The following LYPD6 variants were observed in gnomAD, a reference collection of about 807,000 sequenced individuals.
LYPD6 encodes the protein LY6/PLAUR domain containing 6.
LYPD6 carries 15 observed loss-of-function variants against 22.7 expected under a neutral mutation model. That is an observed-to-expected ratio of 0.66 (90% CI 0.44 to 1.02). The LOEUF is 1.02. Among genes scored for constraint, LYPD6 ranks in the 50% least tolerant of loss-of-function variants. The probability of loss-of-function intolerance (pLI) is 0.00; values close to 1 mark genes in which losing one functional copy is unlikely to be tolerated. For synonymous variants in LYPD6, 72 were observed against 77.5 expected (o/e 0.93, Z 0.37); for missense variants, 189 against 208.4 (o/e 0.91, Z 0.57).
At chr2:149,357,669 G>T (rs368381399) in intron 1 of LYPD6, among the ~76,000 whole-genome samples, 1 of 151,932 alleles carries the variant, frequency 6.6e-6, no homozygotes, top group East Asian at 1.9e-4. Flanking sequence ...CATGATGGTA[G>T]AATAAATACA....
intron 1 of LYPD6, among the ~76,000 whole-genome samples, chr2:149,338,437 A>T (rs1681099923): frequency 1.3e-5 from 2 of 152,208 alleles, no homozygotes; most frequent in African/African-American, 4.8e-5. Context: ...TACCTCCAAA[A>T]TTATGTGTTG....
chr2:149,417,800 G>C (rs1682996615), intron 1 of LYPD6, among the ~76,000 whole-genome samples: 1 of 152,094 alleles, frequency 6.6e-6, no homozygotes, highest in African/African-American at 2.4e-5. Flanking sequence ...GGATAAACTA[G>C]AAATATAATG....
intron 3 of LYPD6, among the ~76,000 whole-genome samples, chr2:149,459,300 A>G (rs963472385): frequency 3.3e-5 from 5 of 152,222 alleles, no homozygotes; most frequent in African/African-American, 1.2e-4. Context: ...CAGAGAAAAT[A>G]TCCTTCAGGA....
intron 1 of LYPD6, among the ~76,000 whole-genome samples, chr2:149,379,134 G>T (rs1682002387): frequency 6.6e-6 from 1 of 152,168 alleles, no homozygotes; most frequent in Non-Finnish European, 1.5e-5. Context: ...AGGCAGGAGG[G>T]CTGTGCATCT....
the LYPD6 span, among the ~76,000 whole-genome samples, chr2:149,479,728 G>C: frequency 6.6e-6 from 1 of 152,138 alleles, no homozygotes; most frequent in South Asian, 2.1e-4. Context: ...TCCCAGCTAT[G>C]ATCACATCTT....
intron 3 of LYPD6, among the ~76,000 whole-genome samples, chr2:149,460,314 T>G (rs1573826034): frequency 6.8e-6 from 1 of 146,232 alleles, no homozygotes; most frequent in East Asian, 2.1e-4. Flanking sequence ...ATAAGCAAAT[T>G]AAAAGAATGG....
intron 1 of LYPD6, among the ~76,000 whole-genome samples, chr2:149,433,117 G>T (rs1683353867): frequency 6.6e-6 from 1 of 152,034 alleles, no homozygotes; most frequent in Non-Finnish European, 1.5e-5. Flanking sequence ...AAGAAGAAAT[G>T]ATTTCACAAG....
intron 1 of LYPD6, among the ~76,000 whole-genome samples, chr2:149,348,061 C>CAAAAAAAA (rs58228847): frequency 0.014 from 1,111 of 76,684 alleles, 1 homozygote; most frequent in East Asian, 0.051. Flanking sequence ...ACTAAAAATA[C>CAAAAAAAA]AAAAAAAAAA....
intron 1 of LYPD6, among the ~76,000 whole-genome samples, chr2:149,420,165 C>T (rs1267581455): frequency 1.3e-5 from 2 of 152,192 alleles, no homozygotes; most frequent in Non-Finnish European, 2.9e-5. Flanking sequence ...CATAGTTACT[C>T]ACAGTCCAGA....
intron 1 of LYPD6, among the ~76,000 whole-genome samples, chr2:149,384,908 T>C (rs1478523110): frequency 8.5e-6 from 1 of 117,746 alleles, no homozygotes; most frequent in Admixed American, 1.1e-4. Flanking sequence ...GTCCCCAGAG[T>C]GTGATGTTCC....
chr2:149,429,206 G>C (rs141387157), intron 1 of LYPD6, among the ~76,000 whole-genome samples: 52 of 152,264 alleles, frequency 3.4e-4, no homozygotes, highest in African/African-American at 1.1e-3. Context: ...CATTACTCTG[G>C]CCAATTCTTG....
intron 1 of LYPD6, among the ~76,000 whole-genome samples, chr2:149,406,945 C>G (rs1362992569): frequency 6.6e-6 from 1 of 152,066 alleles, no homozygotes; most frequent in African/African-American, 2.4e-5. Flanking sequence ...CAAAATCTCT[C>G]AGCATTTGCT....
At chr2:149,344,364 G>T (rs1365936696) in intron 1 of LYPD6, among the ~76,000 whole-genome samples, 1 of 152,166 alleles carries the variant, frequency 6.6e-6, no homozygotes, top group Non-Finnish European at 1.5e-5. Flanking sequence ...GTCAAAGGCA[G>T]TCAAAAAGCA....
chr2:149,389,763 C>T lies in LYPD6; in HGVS notation c.-71-47875C>T, dbSNP rs1250965831. On this transcript the variant is annotated intron_variant, in intron 1 of 4. Transcript: ENST00000334166. ...GCCTTGAGTGGAGGTGGACTGGCTT[C>T]GTGTTTCTAATTAGTCAGACACTCC... 2.6e-5 allele frequency among the ~76,000 whole-genome samples: 4 copies of T among 152,140 alleles called. No individual in the cohort carries two copies. The South Asian group carries it at 6.2e-4, about 24-fold the overall frequency.
At chr2:149,380,178 A>G (rs1304786581) in intron 1 of LYPD6, among the ~76,000 whole-genome samples, 1 of 152,232 alleles carries the variant, frequency 6.6e-6, no homozygotes, top group East Asian at 1.9e-4. Flanking sequence ...GATCCTGAAT[A>G]GGAGATAAGG....
chr2:149,401,757 G>T (rs920092059), intron 1 of LYPD6, among the ~76,000 whole-genome samples: 3 of 152,044 alleles, frequency 2.0e-5, no homozygotes, highest in South Asian at 2.1e-4. Flanking sequence ...GGTGGTGTTT[G>T]GTTACATGAA....
chr2:149,387,485 A>G (rs1682213688), intron 1 of LYPD6, among the ~76,000 whole-genome samples: 1 of 152,218 alleles, frequency 6.6e-6, no homozygotes, highest in Admixed American at 6.5e-5. Context: ...CATTTAATAA[A>G]TATGTACCTA....
intron 3 of LYPD6, among the ~76,000 whole-genome samples, chr2:149,459,713 T>A (rs1408575282): frequency 6.6e-6 from 1 of 151,952 alleles, no homozygotes; most frequent in Non-Finnish European, 1.5e-5. Flanking sequence ...ACCAGCCTGA[T>A]CAGGTTGATG....
intron 1 of LYPD6, among the ~76,000 whole-genome samples, chr2:149,339,706 G>T (rs552772100): frequency 3.9e-5 from 6 of 152,214 alleles, no homozygotes; most frequent in African/African-American, 1.4e-4. Flanking sequence ...TAGACAGAAA[G>T]CAATGAGGTC....
Sources: allele counts gnomAD v4.1 joint callset (sites outside exome capture counted in the v4.1 genomes callset), GRCh38; gene constraint gnomAD v4.1.1; transcripts MANE v1.5; gene names NCBI Gene and HGNC (gene_info 2026-07-23, HGNC 2026-07-21).